GATD1: variants seen among roughly 807,000 people sequenced by gnomAD.
GATD1 encodes the protein glutamine amidotransferase class 1 domain containing 1.
GATD1 carries 23 observed loss-of-function variants against 25.9 expected under a neutral mutation model. That is an observed-to-expected ratio of 0.89 (90% CI 0.64 to 1.26). GATD1 has a LOEUF of 1.26. Ranked by LOEUF, GATD1 falls within the 50% of genes most tolerant of loss-of-function variation. The pLI, the probability that GATD1 is intolerant of heterozygous loss-of-function variation, is 0.00. For synonymous variants in GATD1, 177 were observed against 134.6 expected, an observed-to-expected ratio of 1.31 and a Z score of -2.18; for missense variants, 347 against 312.5, an observed-to-expected ratio of 1.11 and a Z score of -0.83.
chr11:777,482 G>T lies in GATD1; in HGVS notation c.-20C>A, dbSNP rs889481477. On this transcript the variant is annotated 5_prime_UTR_variant, in exon 1 of 8. Transcript: ENST00000319863. ...CGCCATGGCTCGGGCTCGGCGCTGG[G>T]TCTGCGCGTGCGCGGCGTCTGGGCG... The T allele has an allele frequency of 1.3e-5, 16 of 1,205,474 alleles. No homozygotes were observed. Among genetic ancestry groups the T allele is most frequent in the Non-Finnish European group, 1.7e-5 (16 of 969,664 alleles). 74.7% of individuals were successfully genotyped at this position (1,205,474 alleles called of 1,614,324 possible).
rs563257195 is a variant in GATD1 at position 767,263 on chromosome 11, A to C, written c.*3634T>G. The C allele has an allele frequency of 2.0e-5, 30 of 1,536,038 alleles. No individual in the cohort carries two copies. The South Asian group carries it at 3.0e-4, about 15-fold the overall frequency. The stretch of plus-strand genomic sequence containing the variant: ...TGGTTTTATTCCTCATGGGTAGATG[A>C]ACACACACTGGTATATGGGGAAATC... On this transcript the variant is annotated 3_prime_UTR_variant, in exon 8 of 8. Coordinates refer to ENST00000319863, the MANE Select transcript of GATD1 (RefSeq NM_182612.4).
Position 767,649 on chromosome 11 carries a change from G to A in GATD1, c.*3248C>T. On this transcript the variant is annotated 3_prime_UTR_variant, in exon 8 of 8. Transcript: ENST00000319863. The stretch of plus-strand genomic sequence containing the variant: ...GAGCACGTCCCCCCAAAACCCACCT[G>A]CTTAAGTCCTCACCTGCAAGGGGAT... The A allele has an allele frequency of 7.8e-6, 10 of 1,278,328 alleles. No homozygotes were observed. Among genetic ancestry groups the A allele is most frequent in the Non-Finnish European group, 9.9e-6 (10 of 1,009,538 alleles). The allele number at this position is 1,278,328 out of a possible 1,614,324, so 79.2% of individuals were successfully genotyped here. A position where few individuals can be genotyped will look rare whatever the true frequency, so the allele number is the denominator to read the frequency against.
At chr11:773,907 G>A (rs1863698835) in intron 3 of GATD1, 101 bp downstream of exon 3, 2 of 1,030,714 alleles carry the variant, frequency 1.9e-6, no homozygotes, top group East Asian at 2.5e-5. Flanking sequence ...GGGCTTCAGG[G>A]GCTGAGCTAG....
At chr11:775,925 A>G (rs1308524060) in intron 1 of GATD1, among the ~76,000 whole-genome samples, 3 of 142,416 alleles carry the variant, frequency 2.1e-5, no homozygotes, top group Non-Finnish European at 4.6e-5. Flanking sequence ...ATCTCTCTAC[A>G]TTTATTTTAA....
At chr11:771,827 C>T (rs1488316277) in intron 5 of GATD1, among the ~76,000 whole-genome samples, 1 of 152,096 alleles carries the variant, frequency 6.6e-6, no homozygotes, top group Non-Finnish European at 1.5e-5. Context: ...GGTGTCACCC[C>T]TCGGAGGGCA....
At position 769,647 on chromosome 11, in the gene GATD1, T is replaced by C. The variant is rs952384470; in HGVS notation, c.*1250A>G. On this transcript the variant is annotated 3_prime_UTR_variant, in exon 8 of 8. Transcript: ENST00000319863. Reference sequence around the variant, plus strand: ...TTTTTTGAGATGGAGTCTCACTCTATTGCCCAGGCTGGAGTGCAGTGGCAC... The same window carrying C: ...TTTTTTGAGATGGAGTCTCACTCTACTGCCCAGGCTGGAGTGCAGTGGCAC... The C allele has an allele frequency of 6.7e-6, 1 of 150,246 alleles. No homozygotes were observed. The highest frequency in any genetic ancestry group is 2.5e-5 in the African/African-American group (1 of 39,936). The allele number at this position is 150,246 out of a possible 1,614,324, so 9.3% of individuals were successfully genotyped here. A position where few individuals can be genotyped will look rare whatever the true frequency, so the allele number is the denominator to read the frequency against.
At chr11:773,303 C>T (rs890002578) in intron 4 of GATD1, 53 of 523,742 alleles carry the variant, frequency 1.0e-4, no homozygotes, top group African/African-American at 9.2e-4. Flanking sequence ...GGGAGCCCAC[C>T]CAGAGGCCTG....
rs1392379788 is a variant in GATD1, at chr11:767,479, G to A, written c.*3418C>T. 3.5e-6 allele frequency: 5 copies of A among 1,440,406 alleles called. No individual in the cohort carries two copies. In the East Asian group the frequency reaches 7.5e-5, roughly 22 times the overall value. The allele number at this position is 1,440,406 out of a possible 1,614,324, so 89.2% of individuals were successfully genotyped here. ...CCTGCAGGCAGCTCACGCGGAGACAGGTCTGTGGGGCCCCGCGTCAGAACC... is the reference window on the plus strand; with the variant it reads ...CCTGCAGGCAGCTCACGCGGAGACAAGTCTGTGGGGCCCCGCGTCAGAACC... On this transcript the variant is annotated 3_prime_UTR_variant, in exon 8 of 8. Transcript: ENST00000319863.
Position 769,406 on chromosome 11 carries a change from C to A in GATD1, c.*1491G>T. The stretch of plus-strand genomic sequence containing the variant: ...CGCAATCTTGGCTCACTGCAACTTC[C>A]GCCTCCCAGGTTCAAGCAATTCTCA... On this transcript the variant is annotated 3_prime_UTR_variant, in exon 8 of 8. Coordinates refer to ENST00000319863, the MANE Select transcript of GATD1 (RefSeq NM_182612.4). 1.8e-6 allele frequency: 1 copy of A among 563,088 alleles called. No homozygotes were observed. The highest frequency in any genetic ancestry group is 2.2e-6 in the Non-Finnish European group (1 of 444,554). 34.9% of individuals were successfully genotyped at this position (563,088 alleles called of 1,614,324 possible). A position where few individuals can be genotyped will look rare whatever the true frequency, so the allele number is the denominator to read the frequency against.
rs1055981504 is a variant in GATD1 at position 770,557 on chromosome 11, A to T, written c.*340T>A. On this transcript the variant is annotated 3_prime_UTR_variant, in exon 8 of 8. Coordinates refer to ENST00000319863, the MANE Select transcript of GATD1 (RefSeq NM_182612.4). ...GAGGACCCCCGAGCCGACTCTGTCT[A>T]GTCAACAGTGACCACACGTGACAAC... 1 of 1,415,312 alleles carries T rather than the reference A, an allele frequency of 7.1e-7. No individual in the cohort carries two copies. Among genetic ancestry groups the T allele is most frequent in the African/African-American group, 1.4e-5 (1 of 69,488 alleles). 87.7% of individuals were successfully genotyped at this position (1,415,312 alleles called of 1,614,324 possible). A position where few individuals can be genotyped will look rare whatever the true frequency, so the allele number is the denominator to read the frequency against.
Position 770,661 on chromosome 11 carries a change from C to G in GATD1, c.*236G>C. On this transcript the variant is annotated 3_prime_UTR_variant, in exon 8 of 8. Transcript: ENST00000319863. ...GCACAGCTCTCCAGGCACGTGGGGT[C>G]TTTTCTCTGCCTCCTACCAGAGAAC... The G allele has an allele frequency of 7.0e-7, 1 of 1,419,378 alleles. No homozygotes were observed. Among genetic ancestry groups the G allele is most frequent in the South Asian group, 1.6e-5 (1 of 62,772 alleles). 87.9% of individuals were successfully genotyped at this position (1,419,378 alleles called of 1,614,324 possible). A position where few individuals can be genotyped will look rare whatever the true frequency, so the allele number is the denominator to read the frequency against.
In GATD1 at chr11:770,790, A is replaced by C; in HGVS notation, c.*107T>G. On this transcript the variant is annotated 3_prime_UTR_variant, in exon 8 of 8. Coordinates refer to ENST00000319863, the MANE Select transcript of GATD1 (RefSeq NM_182612.4). ...CCCATCAGGGCCAGACCAGGCTGCC[A>C]TCCAGGGCCCTTGTCAGGAGGGAAG... 1.3e-6 allele frequency: 2 copies of C among 1,535,336 alleles called. No homozygotes were observed. The highest frequency in any genetic ancestry group is 1.8e-6 in the Non-Finnish European group (2 of 1,141,772).
chr11:769,706 T>G lies in GATD1; in HGVS notation c.*1191A>C, dbSNP rs1200378788. On this transcript the variant is annotated 3_prime_UTR_variant, in exon 8 of 8. Coordinates refer to ENST00000319863, the MANE Select transcript of GATD1 (RefSeq NM_182612.4). ...CTCACTGCAAGCTCTGCCTCCCAGGTTCACGCCATTCTCCTGCCTCAGCCT... is the reference window on the plus strand; with the variant it reads ...CTCACTGCAAGCTCTGCCTCCCAGGGTCACGCCATTCTCCTGCCTCAGCCT... The G allele has an allele frequency of 6.2e-6, 1 of 160,532 alleles. No homozygotes were observed. The highest frequency in any genetic ancestry group is 1.9e-4 in the East Asian group (1 of 5,228). The allele number at this position is 160,532 out of a possible 1,614,324, so 9.9% of individuals were successfully genotyped here.
chr11:767,336 C>T lies in GATD1; in HGVS notation c.*3561G>A. 2 of 1,536,282 alleles carry T rather than the reference C, an allele frequency of 1.3e-6. No homozygotes were observed. Among genetic ancestry groups the T allele is most frequent in the Non-Finnish European group, 1.7e-6 (2 of 1,146,936 alleles). On this transcript the variant is annotated 3_prime_UTR_variant, in exon 8 of 8. Transcript: ENST00000319863. The stretch of plus-strand genomic sequence containing the variant: ...TCTGGAGGTCTGTCCTCTTGCTTTC[C>T]TCCTCTGCCCCAGCCTGGTGCTGCC...
Position 770,337 on chromosome 11 carries a change from G to T in GATD1, c.*560C>A, listed in dbSNP as rs773200806. ...ACACTTTGAAACCACACGCCAGGAA[G>T]ATTTCTTCAACAGGAAAGTGCTGCC... On this transcript the variant is annotated 3_prime_UTR_variant, in exon 8 of 8. Coordinates refer to ENST00000319863, the MANE Select transcript of GATD1 (RefSeq NM_182612.4). 8 of 1,534,726 alleles carry T rather than the reference G, an allele frequency of 5.2e-6. 1 individual carries two copies. In the South Asian group the frequency reaches 9.5e-5, roughly 18 times the overall value.
chr11:775,603 T>G (rs968980589), intron 1 of GATD1, among the ~76,000 whole-genome samples: 4 of 152,164 alleles, frequency 2.6e-5, no homozygotes, highest in African/African-American at 7.2e-5. Context: ...ATCCTCTCAC[T>G]GAACCACCAG....
In GATD1 at chr11:767,280, G is replaced by A. The variant is rs1356015380; in HGVS notation, c.*3617C>T. ...GGTAGATGAACACACACTGGTATAT[G>A]GGGAAATCCTCACCCGCCCTCCGCT... On this transcript the variant is annotated 3_prime_UTR_variant, in exon 8 of 8. Coordinates refer to ENST00000319863, the MANE Select transcript of GATD1 (RefSeq NM_182612.4). 1.3e-6 allele frequency: 2 copies of A among 1,536,146 alleles called. No homozygotes were observed. Among genetic ancestry groups the A allele is most frequent in the African/African-American group, 1.4e-5 (1 of 73,162 alleles).
chr11:771,124 C>T lies in GATD1; in HGVS notation c.545-20G>A. 1 of 1,570,304 alleles carries T rather than the reference C, an allele frequency of 6.4e-7. No individual in the cohort carries two copies. The highest frequency in any genetic ancestry group is 1.2e-5 in the South Asian group (1 of 86,956). ...CGCTTGCTGGGGAGGACCGAGGGCA[C>T]CAACCTCAGGCAATGTCCACCTCAC... On this transcript the variant is annotated intron_variant, in intron 6 of 7. Coordinates refer to ENST00000319863, the MANE Select transcript of GATD1 (RefSeq NM_182612.4).
chr11:770,015 T>C lies in GATD1; in HGVS notation c.*882A>G. ...AACGGCTGTGGCTGAGACGGGGAGG[T>C]GGGCAGGAAGAAGGCCTTCGATGGC... is the stretch of plus-strand genomic sequence containing the variant. On this transcript the variant is annotated 3_prime_UTR_variant, in exon 8 of 8. Transcript: ENST00000319863. 9.3e-7 allele frequency: 1 copy of C among 1,074,750 alleles called. No homozygotes were observed. Among genetic ancestry groups the C allele is most frequent in the Non-Finnish European group, 1.1e-6 (1 of 888,548 alleles). The allele number at this position is 1,074,750 out of a possible 1,614,324, so 66.6% of individuals were successfully genotyped here. A position where few individuals can be genotyped will look rare whatever the true frequency, so the allele number is the denominator to read the frequency against.
Sources: allele counts gnomAD v4.1 joint callset (sites outside exome capture counted in the v4.1 genomes callset), GRCh38; gene constraint gnomAD v4.1.1; transcripts MANE v1.5; gene names NCBI Gene and HGNC (gene_info 2026-07-23, HGNC 2026-07-21).